The following GALNTL6 variants were observed in gnomAD, a reference collection of about 807,000 sequenced individuals.
GALNTL6 encodes the protein polypeptide N-acetylgalactosaminyltransferase-like 6.
In GALNTL6, 46 loss-of-function variants were observed where a neutral mutation model predicts 73.7. The observed-to-expected ratio is 0.62, with a 90% CI of 0.49 to 0.80. The LOEUF (loss-of-function observed/expected upper bound fraction) is 0.80. Ranked by LOEUF, GALNTL6 falls within the 30% of genes least tolerant of loss-of-function variation. The probability of loss-of-function intolerance (pLI) is 0.00; values close to 1 mark genes in which losing one functional copy is unlikely to be tolerated. For missense variants in GALNTL6, 604 were observed against 755.0 expected, an observed-to-expected ratio of 0.80 and a Z score of 2.34; for synonymous variants, 259 against 263.7, an observed-to-expected ratio of 0.98 and a Z score of 0.17.
intron 2 of GALNTL6, among the ~76,000 whole-genome samples, chr4:172,217,399 G>C (rs2110940090): frequency 6.6e-6 from 1 of 152,244 alleles, no homozygotes; most frequent in Non-Finnish European, 1.5e-5. Flanking sequence ...GAACATGACT[G>C]TCCAAACCCC....
At chr4:172,964,117 A>G (rs1388608658) in intron 10 of GALNTL6, among the ~76,000 whole-genome samples, 1 of 152,194 alleles carries the variant, frequency 6.6e-6, no homozygotes, top group Non-Finnish European at 1.5e-5. Flanking sequence ...CCCCCATGCT[A>G]TGTTGGATAG....
chr4:172,664,507 G>T (rs774875603), intron 5 of GALNTL6, among the ~76,000 whole-genome samples: 3 of 152,094 alleles, frequency 2.0e-5, no homozygotes, highest in Non-Finnish European at 4.4e-5. Context: ...CATAACTAAG[G>T]TATGTTGGAC....
chr4:172,043,983 C>G (rs1742154142), intron 2 of GALNTL6, among the ~76,000 whole-genome samples: 1 of 151,906 alleles, frequency 6.6e-6, no homozygotes, highest in African/African-American at 2.4e-5. Context: ...AAACCAGAAT[C>G]ACAACCTCTG....
Position 172,832,387 on chromosome 4 carries a change from AT to A in GALNTL6, c.923+18668del, listed in dbSNP as rs1302375974. On this transcript the variant is annotated intron_variant, in intron 7 of 12. Transcript: ENST00000506823. ...TCAATGTGTAGTAGCATGCTAAAAT[AT>A]TTTAAATTAGACCATCCTAATGCTT... 2.6e-5 allele frequency among the ~76,000 whole-genome samples: 4 copies of A among 152,206 alleles called. No homozygotes were observed. In the East Asian group the frequency reaches 7.7e-4, roughly 29 times the overall value.
intron 2 of GALNTL6, among the ~76,000 whole-genome samples, chr4:171,992,409 A>G (rs1740365575): frequency 6.6e-6 from 1 of 152,038 alleles, no homozygotes; most frequent in Admixed American, 6.6e-5. Context: ...AATGAAAGTC[A>G]CTTTTCTCTG....
intron 5 of GALNTL6, among the ~76,000 whole-genome samples, chr4:172,700,664 A>T (rs1250494393): frequency 6.6e-6 from 1 of 152,158 alleles, no homozygotes; most frequent in Non-Finnish European, 1.5e-5. Flanking sequence ...AGGTGTTCTG[A>T]TCTCTTCATC....
intron 10 of GALNTL6, among the ~76,000 whole-genome samples, chr4:173,002,470 T>C (rs963447180): frequency 4.6e-5 from 7 of 151,926 alleles, no homozygotes; most frequent in African/African-American, 1.7e-4. Context: ...TATTTATATA[T>C]GTATATATTT....
intron 5 of GALNTL6, among the ~76,000 whole-genome samples, chr4:172,683,661 A>G (rs187447955): frequency 6.6e-6 from 1 of 152,228 alleles, no homozygotes; most frequent in Non-Finnish European, 1.5e-5. Context: ...TATTGCAGTC[A>G]GAAATGTAAA....
At chr4:172,197,295 A>G (rs575630327) in intron 2 of GALNTL6, among the ~76,000 whole-genome samples, 1 of 152,310 alleles carries the variant, frequency 6.6e-6, no homozygotes, top group African/African-American at 2.4e-5. Context: ...AGAGAAGACA[A>G]AAACAAATGG....
intron 7 of GALNTL6, among the ~76,000 whole-genome samples, chr4:172,860,548 T>C (rs765059817): frequency 6.6e-6 from 1 of 152,192 alleles, no homozygotes; most frequent in Non-Finnish European, 1.5e-5. Context: ...TCAGAACATC[T>C]GAGTCTTAGA....
rs1553989790 is a variant in GALNTL6, at chr4:172,069,576, T to TTA, written c.139-160074_139-160073dup. 7.5e-3 allele frequency among the ~76,000 whole-genome samples: 17 copies of TTA among 2,260 alleles called. 3 individuals are homozygous for TTA. The highest frequency in any genetic ancestry group is 0.071 in the South Asian group (3 of 42). The allele number at this position is 2,260 out of a possible 152,430, so 1.5% of individuals were successfully genotyped here. A position where few individuals can be genotyped will look rare whatever the true frequency, so the allele number is the denominator to read the frequency against. ...ATATGTTATATATAACACATATATG[T>TTA]TATATATTATATATATAACACATAT... is the stretch of plus-strand genomic sequence containing the variant. On this transcript the variant is annotated intron_variant, in intron 2 of 12. Transcript: ENST00000506823.
At chr4:171,854,874 T>C (rs867050229) in intron 2 of GALNTL6, among the ~76,000 whole-genome samples, 2 of 152,198 alleles carry the variant, frequency 1.3e-5, no homozygotes, top group African/African-American at 2.4e-5. Context: ...TTTCAAAATA[T>C]GAATTTTGCA....
At chr4:172,437,112 G>C (rs1232271619) in intron 5 of GALNTL6, among the ~76,000 whole-genome samples, 1 of 152,060 alleles carries the variant, frequency 6.6e-6, no homozygotes, top group Non-Finnish European at 1.5e-5. Flanking sequence ...TGCCTTTCCA[G>C]TCAATATAAC....
chr4:172,644,087 T>C (rs576332989), intron 5 of GALNTL6, among the ~76,000 whole-genome samples: 4 of 152,004 alleles, frequency 2.6e-5, no homozygotes, highest in Non-Finnish European at 4.4e-5. Flanking sequence ...TATTTTGGGG[T>C]ATGTGTAATG....
chr4:172,615,235 ATTC>A (rs1738678613), intron 5 of GALNTL6, among the ~76,000 whole-genome samples: 1 of 151,866 alleles, frequency 6.6e-6, no homozygotes, highest in Non-Finnish European at 1.5e-5. Flanking sequence ...GTGAGAAAAA[ATTC>A]TTCTCTGTCA....
chr4:171,876,605 G>A (rs1736285438), intron 2 of GALNTL6, among the ~76,000 whole-genome samples: 2 of 152,152 alleles, frequency 1.3e-5, no homozygotes, highest in Admixed American at 1.3e-4. Context: ...TTGTAACAAT[G>A]GGCAGAGCCA....
At chr4:172,207,196 T>C (rs756745494) in intron 2 of GALNTL6, among the ~76,000 whole-genome samples, 1 of 152,164 alleles carries the variant, frequency 6.6e-6, no homozygotes, top group Non-Finnish European at 1.5e-5. Flanking sequence ...CTCCTAAGCC[T>C]TAGTAAGCAC....
chr4:171,907,361 G>C (rs1737320642), intron 2 of GALNTL6, among the ~76,000 whole-genome samples: 1 of 152,090 alleles, frequency 6.6e-6, no homozygotes, highest in Non-Finnish European at 1.5e-5. Flanking sequence ...CAGACTAACA[G>C]AGAGCCAAAT....
intron 5 of GALNTL6, among the ~76,000 whole-genome samples, chr4:172,583,306 T>C (rs1737267652): frequency 6.6e-6 from 1 of 152,180 alleles, no homozygotes; most frequent in African/African-American, 2.4e-5. Flanking sequence ...ATAATAAACA[T>C]GCTGATTCTT....
Sources: allele counts gnomAD v4.1 joint callset (sites outside exome capture counted in the v4.1 genomes callset), GRCh38; gene constraint gnomAD v4.1.1; transcripts MANE v1.5; gene names NCBI Gene and HGNC (gene_info 2026-07-23, HGNC 2026-07-21).